ZNF823: variants seen among roughly 807,000 people sequenced by gnomAD.
The protein encoded by ZNF823 is ZFP 36 for a zinc finger protein.
In ZNF823, 5 loss-of-function variants were observed where a neutral mutation model predicts 11.4. That is an observed-to-expected ratio of 0.44 (90% CI 0.23 to 0.92). ZNF823 has a LOEUF of 0.92. ZNF823 is among the 40% of genes least tolerant of loss of function. The pLI is 0.24. For synonymous variants in ZNF823, 234 were observed against 250.5 expected (o/e 0.93, Z 0.62); for missense variants, 582 against 738.5 (o/e 0.79, Z 2.46).
chr19:11,735,843 C>T (rs1186200016), intron 1 of ZNF823, among the ~76,000 whole-genome samples: 1 of 152,120 alleles, frequency 6.6e-6, no homozygotes, highest in Non-Finnish European at 1.5e-5. Flanking sequence ...TATTTTATAG[C>T]TTAATAGAAA....
chr19:11,730,421 A>T (rs1974872147), intron 1 of ZNF823: 1 of 152,238 alleles, frequency 6.6e-6, no homozygotes, highest in African/African-American at 2.4e-5. Flanking sequence ...CAAAAAATTT[A>T]AAAATTAGCC....
At chr19:11,727,198 A>G (rs933805217) in intron 1 of ZNF823, among the ~76,000 whole-genome samples, 7 of 152,176 alleles carry the variant, frequency 4.6e-5, no homozygotes, top group African/African-American at 1.7e-4. Flanking sequence ...AATAAAAGTC[A>G]CAAATATCTG....
rs1170787951 is a variant in ZNF823, at chr19:11,732,169, C to CTTTTTTTTTTTT, written c.3+6636_3+6647dup. Among the ~76,000 whole-genome samples, 161 of 135,562 alleles carry CTTTTTTTTTTTT rather than the reference C, an allele frequency of 1.2e-3. 8 individuals are homozygous for CTTTTTTTTTTTT. The highest frequency in any genetic ancestry group is 1.7e-3 in the Non-Finnish European group (108 of 63,604). 88.9% of individuals were successfully genotyped at this position (135,562 alleles called of 152,430 possible). ...AGGGCAGGGATGGTTAAAGGTTTCC[C>CTTTTTTTTTTTT]TTTTTTTTTTTTTGAGATGGAGTCT... On this transcript the variant is annotated intron_variant, in intron 1 of 3. Transcript: ENST00000341191.
intron 1 of ZNF823, among the ~76,000 whole-genome samples, chr19:11,726,860 T>C (rs1974801144): frequency 6.6e-6 from 1 of 152,186 alleles, no homozygotes; most frequent in African/African-American, 2.4e-5. Context: ...GTAGCTAACG[T>C]TTCACGTGTT....
rs904330591 is a variant in ZNF823 at position 11,724,719 on chromosome 19, C to T, written c.131-465G>A. ...GGCTACAGGTGTCCGCCATCACGCCCGGCTAATTTTTTTTGTGTTTTTAGT... is the reference window on the plus strand; with the variant it reads ...GGCTACAGGTGTCCGCCATCACGCCTGGCTAATTTTTTTTGTGTTTTTAGT... On this transcript the variant is annotated intron_variant, in intron 2 of 3. Coordinates refer to ENST00000341191, the MANE Select transcript of ZNF823 (RefSeq NM_001080493.4). 3.6e-4 allele frequency among the ~76,000 whole-genome samples: 55 copies of T among 151,696 alleles called. 1 individual carries two copies. The highest frequency in any genetic ancestry group is 3.3e-4 in the Admixed American group (5 of 15,156).
intron 1 of ZNF823, 79 bp downstream of exon 1, chr19:11,738,738 C>G: frequency 1.3e-6 from 2 of 1,500,204 alleles, no homozygotes; most frequent in Non-Finnish European, 8.9e-7. Flanking sequence ...GGGCGAGGCC[C>G]GGGTCCCCTC....
chr19:11,722,201 T>C lies in ZNF823; in HGVS notation c.1333A>G (p.Lys445Glu). 2 of 1,613,446 alleles carry C rather than the reference T, an allele frequency of 1.2e-6. No individual in the cohort carries two copies. The highest frequency in any genetic ancestry group is 1.7e-6 in the Non-Finnish European group (2 of 1,179,832). The change falls in exon 4 of 4, where the codon AAA becomes GAA. Residue 445 changes from lysine to glutamate, a missense_variant. By Grantham distance (56) the Lys-to-Glu change is moderately conservative. This residue lies in a region of ZNF823 where 429 missense variants were observed against 553.7 expected (regional missense o/e 0.77). Coordinates refer to ENST00000341191, the MANE Select transcript of ZNF823 (RefSeq NM_001080493.4). This position sits in a 1 kb window ranked among gnomAD's most constrained non-coding sequence, Gnocchi z 5.2. ...EATHTGVKPY[K>E]CQCGKAFSDL... ...CTAAAGGCTTTCCCACACTGACATT[T>C]ATAGGGTTTCACTCCAGTGTGAGTT... is the stretch of plus-strand genomic sequence containing the variant.
Position 11,726,287 on chromosome 19 carries a change from C to CATATACATAT in ZNF823, c.4-961_4-960insATATGTATAT, listed in dbSNP as rs1555766612. Among the ~76,000 whole-genome samples the CATATACATAT allele has an allele frequency of 3.9e-3, 433 of 112,226 alleles. 15 individuals are homozygous for CATATACATAT. The highest frequency in any genetic ancestry group is 0.014 in the Middle Eastern group (3 of 214). The allele number at this position is 112,226 out of a possible 152,430, so 73.6% of individuals were successfully genotyped here. On this transcript the variant is annotated intron_variant, in intron 1 of 3. Coordinates refer to ENST00000341191, the MANE Select transcript of ZNF823 (RefSeq NM_001080493.4). ...AGTAAAAAACAAAAAATAAAAAATA[C>CATATACATAT]ATATATATATATATATATATAAATT... is the stretch of plus-strand genomic sequence containing the variant.
intron 1 of ZNF823, among the ~76,000 whole-genome samples, chr19:11,731,001 T>TA (rs1299112742): frequency 0.08 from 4,645 of 58,048 alleles, 117 homozygotes; most frequent in East Asian, 0.22. Context: ...GCAAAGAAAC[T>TA]AAAAAAAAAA....
At chr19:11,736,880 A>G (rs1310188612) in intron 1 of ZNF823, among the ~76,000 whole-genome samples, 1 of 152,172 alleles carries the variant, frequency 6.6e-6, no homozygotes, top group African/African-American at 2.4e-5. Context: ...CTCATCAGCC[A>G]TGTGTCCCCA....
rs142050062 is a variant in ZNF823, at chr19:11,738,209, G to C, written c.3+608C>G. On this transcript the variant is annotated intron_variant, in intron 1 of 3. Transcript: ENST00000341191. ...ATAAGATCTCTTGAGAGTTGCTCAC[G>C]GGTCGCCTCAGTTCTTTCTCGGATC... Among the ~76,000 whole-genome samples, 307 of 152,282 alleles carry C rather than the reference G, an allele frequency of 2.0e-3. 6 individuals carry two copies. In the East Asian group the frequency reaches 0.032, roughly 16 times the overall value.
At chr19:11,725,846 T>A (rs1974779499) in intron 1 of ZNF823, 1 of 154,412 alleles carries the variant, frequency 6.5e-6, no homozygotes, top group Non-Finnish European at 1.4e-5. Flanking sequence ...TGCAATCCCA[T>A]CACTTTGCAG....
At chr19:11,729,123 C>T (rs1456148715) in intron 1 of ZNF823, among the ~76,000 whole-genome samples, 4 of 150,916 alleles carry the variant, frequency 2.7e-5, no homozygotes, top group Admixed American at 6.6e-5. Flanking sequence ...TGCAGTGAGC[C>T]GAGATTGTGC....
rs763169349 is a variant in ZNF823 at position 11,725,292 on chromosome 19, G to A, written c.39C>T (p.Phe13=). ...SVAFEDVAVN[F]TQEEWALLGP... ...CCAGCAAAGCCCACTCCTCTTGTGTGAAGTTCACAGCCACATCTTCAAAGG... is the reference window on the plus strand; with the variant it reads ...CCAGCAAAGCCCACTCCTCTTGTGTAAAGTTCACAGCCACATCTTCAAAGG... The change falls in exon 2 of 4, where the codon TTC becomes TTT. Residue 13 remains phenylalanine (F), a synonymous_variant. Transcript: ENST00000341191. 6.2e-7 allele frequency: 1 copy of A among 1,614,078 alleles called. No individual in the cohort carries two copies. The highest frequency in any genetic ancestry group is 1.7e-5 in the Admixed American group (1 of 60,012).
At chr19:11,737,560 C>CTTTT in intron 1 of ZNF823, among the ~76,000 whole-genome samples, 1 of 110,504 alleles carries the variant, frequency 9.0e-6, no homozygotes, top group Non-Finnish European at 1.8e-5. Flanking sequence ...CCGCGCCCGG[C>CTTTT]TTTTTTTTTT....
chr19:11,731,543 G>T (rs1177263174), intron 1 of ZNF823, among the ~76,000 whole-genome samples: 2 of 152,062 alleles, frequency 1.3e-5, no homozygotes, highest in African/African-American at 4.8e-5. Context: ...CAATAACTGG[G>T]TGTCCAGTAG....
intron 1 of ZNF823, among the ~76,000 whole-genome samples, chr19:11,736,392 G>A (rs376269602): frequency 3.3e-5 from 5 of 152,098 alleles, no homozygotes; most frequent in East Asian, 1.9e-4. Flanking sequence ...GGTAGCATAC[G>A]TCTGTAATCC....
rs73500533 is a variant in ZNF823, at chr19:11,725,480, T to C, written c.4-153A>G. On this transcript the variant is annotated intron_variant, in intron 1 of 3. Coordinates refer to ENST00000341191, the MANE Select transcript of ZNF823 (RefSeq NM_001080493.4). ...TCTTATTTTGTCTACACTCACTTTT[T>C]CCCACAAAGCCATTGTGATGCTTTA... Among the ~76,000 whole-genome samples, 600 of 152,350 alleles carry C rather than the reference T, an allele frequency of 3.9e-3. 3 individuals carry two copies. Among genetic ancestry groups the C allele is most frequent in the African/African-American group, 0.014 (570 of 41,586 alleles).
chr19:11,721,658 T>G lies in ZNF823; in HGVS notation c.*43A>C, dbSNP rs532978922. Reference sequence around the variant, plus strand: ...ATCTCCAAAGTGAGTTCTTTCAAGTTTCTGAAATTAAAGTACTGAATGTTT... The same window carrying G: ...ATCTCCAAAGTGAGTTCTTTCAAGTGTCTGAAATTAAAGTACTGAATGTTT... On this transcript the variant is annotated 3_prime_UTR_variant, in exon 4 of 4. Coordinates refer to ENST00000341191, the MANE Select transcript of ZNF823 (RefSeq NM_001080493.4). 1 of 1,540,170 alleles carries G rather than the reference T, an allele frequency of 6.5e-7. No homozygotes were observed. The highest frequency in any genetic ancestry group is 1.4e-5 in the African/African-American group (1 of 72,510).
Sources: gnomAD v4.1 joint callset for allele counts (sites outside exome capture counted in the v4.1 genomes callset) on GRCh38, gnomAD v4.1.1 for gene constraint, gnomAD v4.1.1 regional missense constraint, Gnocchi (gnomAD v3.1) non-coding constraint, MANE v1.5 for transcripts, NCBI Gene and HGNC (gene_info 2026-07-23, HGNC 2026-07-21) for gene names.